CDH11: variants seen among roughly 807,000 people sequenced by gnomAD.
CDH11 encodes the protein cadherin 11, also known as cadherin-11.
A neutral mutation model predicts 67.8 loss-of-function variants in CDH11; 11 were observed. The ratio of observed to expected loss-of-function variants is 0.16; its 90% CI spans 0.10 to 0.27. The LOEUF is 0.27. Ranked by LOEUF, CDH11 falls within the 10% of genes least tolerant of loss-of-function variation. CDH11 has a pLI of 1.00. For synonymous variants in CDH11, 419 were observed against 400.0 expected, an observed-to-expected ratio of 1.05 and a Z score of -0.57; for missense variants, 847 against 1,031.2, an observed-to-expected ratio of 0.82 and a Z score of 2.45.
chr16:65,053,839 G>A lies in CDH11; in HGVS notation c.-208C>T, dbSNP rs9928837. The A allele has an allele frequency of 0.029, 13,125 of 455,880 alleles. 1,487 individuals are homozygous for A. The highest frequency in any genetic ancestry group is 0.24 in the African/African-American group (11,922 of 50,062). The allele number at this position is 455,880 out of a possible 1,614,324, so 28.2% of individuals were successfully genotyped here. On this transcript the variant is annotated 5_prime_UTR_variant, in exon 2 of 13. Coordinates refer to ENST00000268603, the MANE Select transcript of CDH11 (RefSeq NM_001797.4). ...CATTGGATACTTGCTGCCAATTTCT[G>A]TAACACACTCCACCCATCTGATTGG...
chr16:65,077,691 C>G (rs78736977), intron 1 of CDH11, among the ~76,000 whole-genome samples: 7,612 of 152,242 alleles, frequency 0.05, 277 homozygotes, highest in Non-Finnish European at 0.072. Flanking sequence ...CAAGGGAAAT[C>G]CTTTTAAATT....
intron 2 of CDH11, among the ~76,000 whole-genome samples, chr16:65,022,880 C>T (rs568805453): frequency 2.0e-4 from 30 of 152,150 alleles, no homozygotes; most frequent in Non-Finnish European, 3.5e-4. Flanking sequence ...CAAGACCTAA[C>T]GCAATTGGGG....
rs1307453335 is a variant in CDH11, at chr16:64,982,291, A to C, written c.1010T>G (p.Phe337Cys). The C allele has an allele frequency of 1.1e-5, 18 of 1,612,080 alleles. No homozygotes were observed. The highest frequency in any genetic ancestry group is 1.4e-5 in the Non-Finnish European group (17 of 1,178,726). ...GVIKLKKPVDFETKRAYSLKV... is the reference protein window; with the variant it reads ...GVIKLKKPVDCETKRAYSLKV... ...CAAGCTATAGGCTCTTTTGGTTTCA[A>C]AATCTACAGGCTGGCAAGAATGAAG... The change falls in exon 8 of 13, where the codon TTT becomes TGT. Residue 337 changes from phenylalanine (F) to cysteine (C), a missense_variant. Phe to Cys is a radical substitution (Grantham distance 205, BLOSUM62 -2). Around this residue, in one of 2 missense-constraint regions of CDH11, gnomAD observed 612 missense variants for 678.7 expected, o/e 0.90. Coordinates refer to ENST00000268603, the MANE Select transcript of CDH11 (RefSeq NM_001797.4).
At chr16:64,989,671 T>A (rs984500700) in intron 6 of CDH11, among the ~76,000 whole-genome samples, 1 of 152,116 alleles carries the variant, frequency 6.6e-6, no homozygotes, top group African/African-American at 2.4e-5. Context: ...TTGTGGGGAA[T>A]GGAAAAGACT....
intron 6 of CDH11, chr16:64,991,222 G>A (rs1203818437): frequency 1.3e-5 from 2 of 152,300 alleles, no homozygotes; most frequent in Non-Finnish European, 2.9e-5. Flanking sequence ...ATGCAAGTAA[G>A]CTGGTTTGGA....
chr16:65,026,071 G>A (rs2073528472), intron 2 of CDH11, among the ~76,000 whole-genome samples: 2 of 152,276 alleles, frequency 1.3e-5, no homozygotes, highest in South Asian at 4.2e-4. Context: ...GGTTCTTCTG[G>A]TCAGATGAGT....
At chr16:64,961,908 C>G (rs2071684857) in intron 11 of CDH11, among the ~76,000 whole-genome samples, 1 of 152,066 alleles carries the variant, frequency 6.6e-6, no homozygotes. Context: ...CACACACACC[C>G]CCCAAAACAC....
intron 8 of CDH11, among the ~76,000 whole-genome samples, chr16:64,976,049 A>G (rs1490100137): frequency 6.6e-6 from 1 of 152,216 alleles, no homozygotes. Context: ...TTACAAGATC[A>G]AAAATATGTC....
At chr16:64,999,408 C>A (rs896942193) in intron 3 of CDH11, among the ~76,000 whole-genome samples, 11 of 152,136 alleles carry the variant, frequency 7.2e-5, no homozygotes, top group Non-Finnish European at 1.3e-4. Flanking sequence ...CCAGAGTACA[C>A]ACATCATTCT....
chr16:64,966,049 AG>A (rs1261934596), intron 11 of CDH11, among the ~76,000 whole-genome samples: 1 of 152,208 alleles, frequency 6.6e-6, no homozygotes, highest in East Asian at 1.9e-4. Context: ...TAAAAAGGAC[AG>A]AAAATAGAAT....
intron 2 of CDH11, among the ~76,000 whole-genome samples, chr16:65,022,804 G>A (rs773628383): frequency 6.6e-6 from 1 of 151,976 alleles, no homozygotes; most frequent in African/African-American, 2.4e-5. Flanking sequence ...GCCAGTGAGG[G>A]TCCCCACAGC....
intron 7 of CDH11, chr16:64,984,888 G>T (rs565079849): frequency 6.6e-6 from 1 of 151,964 alleles, no homozygotes; most frequent in Admixed American, 6.6e-5. Flanking sequence ...ATATACGTGC[G>T]GACAAAGAAT....
intron 2 of CDH11, among the ~76,000 whole-genome samples, chr16:65,045,934 T>G (rs2073954817): frequency 6.6e-6 from 1 of 152,216 alleles, no homozygotes; most frequent in Non-Finnish European, 1.5e-5. Flanking sequence ...AGGAATTATT[T>G]GATGAGTTAG....
chr16:64,949,760 T>C (rs2071306271), intron 12 of CDH11, among the ~76,000 whole-genome samples: 1 of 152,064 alleles, frequency 6.6e-6, no homozygotes, highest in South Asian at 2.1e-4. Flanking sequence ...CCTCCAACCA[T>C]CTTGTGTTCA....
chr16:64,974,061 C>T (rs2072090555), intron 8 of CDH11, among the ~76,000 whole-genome samples: 2 of 152,092 alleles, frequency 1.3e-5, no homozygotes, highest in Admixed American at 1.3e-4. Context: ...AAAAAAACCA[C>T]ATAATATTAT....
At chr16:65,014,219 T>C (rs2073245737) in intron 2 of CDH11, among the ~76,000 whole-genome samples, 2 of 152,150 alleles carry the variant, frequency 1.3e-5, no homozygotes, top group Admixed American at 1.3e-4. Flanking sequence ...ATAATAGGTA[T>C]ATGTGAGGAG....
intron 1 of CDH11, among the ~76,000 whole-genome samples, chr16:65,074,324 C>T (rs550093050): frequency 2.0e-5 from 3 of 152,256 alleles, no homozygotes; most frequent in South Asian, 4.1e-4. Flanking sequence ...TTCAGTAAAA[C>T]TGCAGGAAAT....
At chr16:65,011,836 G>C (rs553569638) in intron 2 of CDH11, among the ~76,000 whole-genome samples, 3 of 152,302 alleles carry the variant, frequency 2.0e-5, no homozygotes, top group East Asian at 1.9e-4. Context: ...GGGAAGATTA[G>C]AGCAAAGTGG....
rs532116045 is a variant in CDH11 at position 65,022,819 on chromosome 16, G to A, written c.-172-17778C>T. On this transcript the variant is annotated intron_variant, in intron 2 of 12. Transcript: ENST00000268603. ...GCCAGTGAGGGTCCCCACAGCAAAC[G>A]CTGAAAATCCCAGAGCATCGGGGGG... 1.5e-4 allele frequency among the ~76,000 whole-genome samples: 23 copies of A among 152,162 alleles called. No homozygotes were observed. The East Asian group carries it at 3.7e-3, about 24-fold the overall frequency.
Sources: allele counts gnomAD v4.1 joint callset (sites outside exome capture counted in the v4.1 genomes callset), GRCh38; gene constraint gnomAD v4.1.1; regional missense constraint gnomAD v4.1.1; transcripts MANE v1.5; gene names NCBI Gene and HGNC (gene_info 2026-07-23, HGNC 2026-07-21).